Variants in ANP32B observed in about 807,000 individuals in gnomAD.
The protein encoded by ANP32B is acidic nuclear phosphoprotein 32 family member B, also known as acidic leucine-rich nuclear phosphoprotein 32 family member B.
A neutral mutation model predicts 32.2 loss-of-function variants in ANP32B; 6 were observed. The ratio of observed to expected loss-of-function variants is 0.19; its 90% CI spans 0.10 to 0.37. The LOEUF (loss-of-function observed/expected upper bound fraction) is 0.37, where lower values mean the gene tolerates loss of function less well. Ranked by LOEUF, ANP32B falls within the 10% of genes least tolerant of loss-of-function variation. ANP32B has a pLI of 1.00. For synonymous variants in ANP32B, 98 were observed against 105.8 expected (o/e 0.93, Z 0.45); for missense variants, 204 against 289.2 (o/e 0.71, Z 2.14).
At chr9:98,002,065 G>A (rs1374874269) in intron 3 of ANP32B, among the ~76,000 whole-genome samples, 1 of 152,176 alleles carries the variant, frequency 6.6e-6, no homozygotes, top group Non-Finnish European at 1.5e-5. Flanking sequence ...TGCTAGGTTG[G>A]TCTCCTGAAG....
In ANP32B at chr9:97,994,789, T is replaced by C; in HGVS notation, c.204+9T>C. On this transcript the variant is annotated intron_variant, in intron 2 of 6. Transcript: ENST00000339399. Reference sequence around the variant, plus strand: ...TGCCTAAATTGAAAAAGGTAAGTGCTTTTTCTTTAACAGTAAAAGAGAACG... The same window carrying C: ...TGCCTAAATTGAAAAAGGTAAGTGCCTTTTCTTTAACAGTAAAAGAGAACG... The C allele has an allele frequency of 6.3e-7, 1 of 1,580,760 alleles. No homozygotes were observed.
intron 4 of ANP32B, among the ~76,000 whole-genome samples, chr9:98,009,986 C>G (rs575017120): frequency 1.3e-5 from 2 of 152,230 alleles, no homozygotes; most frequent in East Asian, 3.9e-4. Context: ...TGTTATGTCC[C>G]TTTGTCCCTT....
Position 97,991,545 on chromosome 9 carries a change from A to G in ANP32B, c.55-3086A>G, listed in dbSNP as rs75838140. Among the ~76,000 whole-genome samples, 423 of 152,340 alleles carry G rather than the reference A, an allele frequency of 2.8e-3. 7 individuals are homozygous for G. The East Asian group carries it at 0.051, about 18-fold the overall frequency. ...AAAATAGAAGATATCCTCAAGAACA[A>G]GATAAATGCAAATAGCCAGAATTTC... On this transcript the variant is annotated intron_variant, in intron 1 of 6. Coordinates refer to ENST00000339399, the MANE Select transcript of ANP32B (RefSeq NM_006401.3).
intron 1 of ANP32B, chr9:97,984,557 C>G (rs999212195): frequency 1.4e-5 from 2 of 141,850 alleles, no homozygotes; most frequent in African/African-American, 5.4e-5. Flanking sequence ...CCAGCCGGGG[C>G]GCGCCACAGG....
intron 2 of ANP32B, among the ~76,000 whole-genome samples, chr9:97,996,118 C>A (rs1355668479): frequency 1.3e-5 from 2 of 152,040 alleles, no homozygotes; most frequent in African/African-American, 4.8e-5. Flanking sequence ...AAGTATAATT[C>A]TTTTATATTT....
At chr9:98,014,653 T>C (rs1828244463) in intron 6 of ANP32B, among the ~76,000 whole-genome samples, 1 of 152,218 alleles carries the variant, frequency 6.6e-6, no homozygotes, top group African/African-American at 2.4e-5. Context: ...TCAGTACCAT[T>C]GTCCCCATTT....
chr9:97,983,648 A>T, intron 1 of ANP32B, 39 bp downstream of exon 1: 1 of 1,499,042 alleles, frequency 6.7e-7, no homozygotes, highest in Non-Finnish European at 9.0e-7. Context: ...TCCCCCGATG[A>T]CTTGCATGTA....
intron 3 of ANP32B, among the ~76,000 whole-genome samples, chr9:97,999,500 C>T (rs1827956161): frequency 6.6e-6 from 1 of 152,084 alleles, no homozygotes; most frequent in Admixed American, 6.5e-5. Flanking sequence ...CATGGAAACG[C>T]CAAGATCCTC....
intron 2 of ANP32B, among the ~76,000 whole-genome samples, chr9:97,996,533 G>T (rs1827908433): frequency 6.6e-6 from 1 of 152,140 alleles, no homozygotes; most frequent in African/African-American, 2.4e-5. Context: ...AAGGCAGGTT[G>T]AGTGTACTCA....
At chr9:98,012,302 T>G (rs986713926) in intron 5 of ANP32B, 119 bp from the exon 6 acceptor site, 2 of 1,177,984 alleles carry the variant, frequency 1.7e-6, no homozygotes, top group Non-Finnish European at 2.3e-6. Context: ...CATTACAGTT[T>G]CCTGCTTGAT....
chr9:97,990,310 C>T lies in ANP32B; in HGVS notation c.55-4321C>T, dbSNP rs142704156. ...ACTTTTCTGCCATTGAAACAATATC[C>T]GAGCTCAGAATACCTTTCATCAAGG... On this transcript the variant is annotated intron_variant, in intron 1 of 6. Coordinates refer to ENST00000339399, the MANE Select transcript of ANP32B (RefSeq NM_006401.3). Among the ~76,000 whole-genome samples the T allele has an allele frequency of 1.1e-3, 164 of 152,292 alleles. 1 individual carries two copies. The highest frequency in any genetic ancestry group is 3.9e-3 in the South Asian group (19 of 4,828).
chr9:97,987,519 C>A (rs1410822387), intron 1 of ANP32B: 1 of 152,096 alleles, frequency 6.6e-6, no homozygotes. Context: ...GAAAAGAATA[C>A]CTGTTCTTTA....
intron 3 of ANP32B, 67 bp downstream of exon 3, chr9:97,998,745 G>A: frequency 7.8e-7 from 1 of 1,283,428 alleles, no homozygotes; most frequent in Non-Finnish European, 1.0e-6. Context: ...TCTTTATAGT[G>A]GGGGAAATTA....
At chr9:97,988,871 C>A (rs866595700) in intron 1 of ANP32B, among the ~76,000 whole-genome samples, 5 of 152,180 alleles carry the variant, frequency 3.3e-5, no homozygotes, top group African/African-American at 4.8e-5. Context: ...GGGATTATTT[C>A]ACTTACCATA....
At chr9:97,993,377 T>A (rs1333321263) in intron 1 of ANP32B, among the ~76,000 whole-genome samples, 1 of 152,190 alleles carries the variant, frequency 6.6e-6, no homozygotes, top group Non-Finnish European at 1.5e-5. Flanking sequence ...TGTTAATAGC[T>A]CCTCTTCTCT....
At chr9:97,996,927 T>G (rs1827915541) in intron 2 of ANP32B, among the ~76,000 whole-genome samples, 1 of 152,002 alleles carries the variant, frequency 6.6e-6, no homozygotes, top group African/African-American at 2.4e-5. Context: ...AAGAAATAAG[T>G]ACTGAAAAAA....
chr9:97,998,597 G>A lies in ANP32B; in HGVS notation c.246G>A (p.Met82Ile), dbSNP rs914567050. The change falls in exon 3 of 7, where the codon ATG (methionine) becomes ATA (isoleucine). Residue 82 changes from methionine (M) to isoleucine (I), a missense_variant. By Grantham distance (10) the Met-to-Ile change is conservative (BLOSUM62 1). Transcript: ENST00000339399. ...SENRIFGGLDMLAEKLPNLTH... is the reference protein window; with the variant it reads ...SENRIFGGLDILAEKLPNLTH... ...ATAGAATCTTTGGAGGTCTGGACAT[G>A]TTAGCTGAAAAACTTCCAAATCTCA... The A allele has an allele frequency of 6.2e-7, 1 of 1,612,498 alleles. No homozygotes were observed.
chr9:98,010,262 G>GTTTTTTTTTTT, intron 4 of ANP32B, among the ~76,000 whole-genome samples: 1 of 138,832 alleles, frequency 7.2e-6, no homozygotes, highest in African/African-American at 2.7e-5. Flanking sequence ...GAGAAATGGT[G>GTTTTTTTTTTT]TTTTTTTTTT....
At chr9:97,997,991 C>T (rs1414275458) in intron 2 of ANP32B, among the ~76,000 whole-genome samples, 3 of 152,212 alleles carry the variant, frequency 2.0e-5, no homozygotes, top group Non-Finnish European at 2.9e-5. Flanking sequence ...AAACCTGAGG[C>T]TGTTGACCTA....
Sources: gnomAD v4.1 joint callset for allele counts (sites outside exome capture counted in the v4.1 genomes callset) on GRCh38, gnomAD v4.1.1 for gene constraint, MANE v1.5 for transcripts, NCBI Gene and HGNC (gene_info 2026-07-23, HGNC 2026-07-21) for gene names.